Variants in MND1 observed in about 807,000 individuals in gnomAD.
MND1 encodes meiotic nuclear divisions 1.
A neutral mutation model predicts 35.1 loss-of-function variants in MND1; 28 were observed. That is an observed-to-expected ratio of 0.80 (90% confidence interval 0.59 to 1.09). The LOEUF (loss-of-function observed/expected upper bound fraction) is 1.09. Ranked by LOEUF, MND1 falls within the 50% of genes least tolerant of loss-of-function variation. The pLI is 0.00. For synonymous variants in MND1, 69 were observed against 70.5 expected (o/e 0.98, Z 0.11); for missense variants, 213 against 239.6 (o/e 0.89, Z 0.73).
At chr4:153,372,388 A>T (rs1042192343) in intron 4 of MND1, among the ~76,000 whole-genome samples, 9 of 152,104 alleles carry the variant, frequency 5.9e-5, no homozygotes, top group Non-Finnish European at 7.4e-5. Context: ...ATTTTTTTTA[A>T]AAAAAACTTT....
intron 4 of MND1, among the ~76,000 whole-genome samples, chr4:153,393,914 A>ACTT (rs1262927606): frequency 1.2e-5 from 1 of 85,894 alleles, no homozygotes; most frequent in Non-Finnish European, 2.3e-5. Context: ...ATAGTGTTTG[A>ACTT]CTTTGTTTTC....
At chr4:153,391,750 A>ACACACACACACACACACACC (rs1729044071) in intron 4 of MND1, among the ~76,000 whole-genome samples, 1 of 150,544 alleles carries the variant, frequency 6.6e-6, no homozygotes, top group Non-Finnish European at 1.5e-5. Flanking sequence ...ACACACACAC[A>ACACACACACACACACACACC]TACATACATA....
chr4:153,386,326 A>G lies in MND1; in HGVS notation c.277-7936A>G, dbSNP rs368944997. Among the ~76,000 whole-genome samples the G allele has an allele frequency of 3.3e-5, 5 of 149,694 alleles. No individual in the cohort carries two copies. In the East Asian group the frequency reaches 9.7e-4, roughly 29 times the overall value. ...GGCAACATAGTGAGAACTCGTCTCTACAAAAAAAAAAAAAAATTTAATTAG... is the reference window on the plus strand; with the variant it reads ...GGCAACATAGTGAGAACTCGTCTCTGCAAAAAAAAAAAAAAATTTAATTAG... On this transcript the variant is annotated intron_variant, in intron 4 of 7. Coordinates refer to ENST00000240488, the MANE Select transcript of MND1 (RefSeq NM_032117.4).
At chr4:153,379,239 G>A (rs1304074792) in intron 4 of MND1, among the ~76,000 whole-genome samples, 2 of 144,030 alleles carry the variant, frequency 1.4e-5, no homozygotes, top group African/African-American at 5.2e-5. Context: ...GCAGTGAGCC[G>A]AGATCCTGCC....
At chr4:153,385,741 A>T (rs962790915) in intron 4 of MND1, among the ~76,000 whole-genome samples, 4 of 150,892 alleles carry the variant, frequency 2.7e-5, no homozygotes, top group African/African-American at 9.8e-5. Context: ...AAAAGAAAAG[A>T]AAATGGTAGA....
chr4:153,404,710 C>G (rs963582819), intron 6 of MND1, among the ~76,000 whole-genome samples: 1 of 150,950 alleles, frequency 6.6e-6, no homozygotes, highest in Admixed American at 6.6e-5. Flanking sequence ...AACTCCTGAC[C>G]TCCGGTGATC....
At chr4:153,410,611 TCTTA>T (rs769888069) in intron 7 of MND1, among the ~76,000 whole-genome samples, 20 of 152,334 alleles carry the variant, frequency 1.3e-4, no homozygotes, top group African/African-American at 2.6e-4. Flanking sequence ...GAAATTGCAG[TCTTA>T]CTTATCATAT....
At chr4:153,349,092 CTCTT>C (rs1328594705) in intron 1 of MND1, among the ~76,000 whole-genome samples, 1 of 108,452 alleles carries the variant, frequency 9.2e-6, no homozygotes, top group Non-Finnish European at 1.7e-5. Context: ...ATAGTTCTCA[CTCTT>C]TTTTTTTTTT....
intron 2 of MND1, among the ~76,000 whole-genome samples, chr4:153,351,376 G>T (rs1335555484): frequency 6.6e-6 from 1 of 152,106 alleles, no homozygotes; most frequent in Non-Finnish European, 1.5e-5. Flanking sequence ...ATAAAGCTGG[G>T]AATTAATTGT....
chr4:153,346,738 A>T (rs1366910646), intron 1 of MND1, among the ~76,000 whole-genome samples: 1 of 152,152 alleles, frequency 6.6e-6, no homozygotes, highest in Non-Finnish European at 1.5e-5. Flanking sequence ...GCTTTCCTAA[A>T]ACTGGGTACC....
intron 1 of MND1, 73 bp from the exon 2 acceptor site, chr4:153,349,991 C>G: frequency 9.4e-7 from 1 of 1,064,830 alleles, no homozygotes; most frequent in East Asian, 2.4e-5. Context: ...CATAAAATTT[C>G]AAATGTTGCA....
chr4:153,380,351 C>G (rs1160198637), intron 4 of MND1, among the ~76,000 whole-genome samples: 1 of 152,048 alleles, frequency 6.6e-6, no homozygotes, highest in Admixed American at 6.5e-5. Flanking sequence ...CAAGTAGTTA[C>G]TGCAGCTACT....
At chr4:153,408,529 AT>A (rs1314134494) in intron 6 of MND1, among the ~76,000 whole-genome samples, 1 of 151,852 alleles carries the variant, frequency 6.6e-6, no homozygotes, top group African/African-American at 2.4e-5. Context: ...TATCCCTAAA[AT>A]TTTTTTTAGA....
chr4:153,382,806 TAAAC>T (rs1477755894), intron 4 of MND1, among the ~76,000 whole-genome samples: 1 of 152,220 alleles, frequency 6.6e-6, no homozygotes, highest in Non-Finnish European at 1.5e-5. Flanking sequence ...AAATAGTAAT[TAAAC>T]AATATTTTCA....
intron 4 of MND1, among the ~76,000 whole-genome samples, chr4:153,379,026 C>G (rs896416944): frequency 1.3e-5 from 2 of 152,060 alleles, no homozygotes; most frequent in East Asian, 3.9e-4. Flanking sequence ...CGGTGACTCA[C>G]GTCTGTAATC....
intron 1 of MND1, chr4:153,345,638 T>A: frequency 1.4e-6 from 1 of 731,424 alleles, no homozygotes; most frequent in Non-Finnish European, 1.7e-6. Context: ...TCTAAGATTT[T>A]AATATCTTCA....
chr4:153,409,105 T>C, intron 7 of MND1, 90 bp downstream of exon 7: 2 of 708,066 alleles, frequency 2.8e-6, no homozygotes, highest in Non-Finnish European at 4.2e-6. Flanking sequence ...GCTAGCTTTG[T>C]TCAAGAAAGG....
intron 2 of MND1, among the ~76,000 whole-genome samples, chr4:153,351,523 A>C (rs1773217329): frequency 6.6e-6 from 1 of 152,176 alleles, no homozygotes; most frequent in South Asian, 2.1e-4. Context: ...AGGCCATTTC[A>C]TTTGTTCTTT....
At chr4:153,358,245 T>C (rs1377421854) in intron 3 of MND1, among the ~76,000 whole-genome samples, 3 of 152,220 alleles carry the variant, frequency 2.0e-5, no homozygotes, top group Non-Finnish European at 4.4e-5. Flanking sequence ...TATTACTTGT[T>C]TTCCCCTAGG....
Sources: gnomAD v4.1 joint callset for allele counts (sites outside exome capture counted in the v4.1 genomes callset) on GRCh38, gnomAD v4.1.1 for gene constraint, MANE v1.5 for transcripts, NCBI Gene and HGNC (gene_info 2026-07-23, HGNC 2026-07-21) for gene names.